Variants in ADK observed in about 807,000 individuals in gnomAD.
The protein encoded by ADK is N6,N6-dimethyladenosine kinase.
ADK carries 24 observed loss-of-function variants against 44.7 expected under a neutral mutation model. The ratio of observed to expected loss-of-function variants is 0.54; its 90% CI spans 0.39 to 0.76. The LOEUF (loss-of-function observed/expected upper bound fraction) is 0.76, where lower values mean the gene tolerates loss of function less well. Among genes scored for constraint, ADK ranks in the 30% least tolerant of loss-of-function variants. ADK has a pLI of 0.00. For synonymous variants in ADK, 128 were observed against 142.6 expected (o/e 0.90, Z 0.73); for missense variants, 321 against 425.1 (o/e 0.76, Z 2.15).
chr10:74,553,554 A>G (rs1024758385), intron 7 of ADK, among the ~76,000 whole-genome samples: 15 of 151,976 alleles, frequency 9.9e-5, no homozygotes, highest in African/African-American at 3.6e-4. Context: ...AACTACTACT[A>G]CCCCCAACTA....
chr10:74,427,535 G>C (rs1844840573), intron 6 of ADK, among the ~76,000 whole-genome samples: 1 of 152,110 alleles, frequency 6.6e-6, no homozygotes, highest in African/African-American at 2.4e-5. Context: ...AACTAAATCA[G>C]AGACTATTTT....
intron 4 of ADK, among the ~76,000 whole-genome samples, chr10:74,380,200 C>G: frequency 6.6e-6 from 1 of 152,132 alleles, no homozygotes; most frequent in East Asian, 1.9e-4. Context: ...AAGGACCAGC[C>G]TGACTTGTTC....
At chr10:74,441,327 A>G (rs755678278) in intron 6 of ADK, among the ~76,000 whole-genome samples, 2 of 152,208 alleles carry the variant, frequency 1.3e-5, no homozygotes, top group African/African-American at 2.4e-5. Flanking sequence ...ACTGGTGGAA[A>G]TATTGGCAGT....
chr10:74,425,013 G>T (rs1030225205), intron 6 of ADK, among the ~76,000 whole-genome samples: 9 of 152,092 alleles, frequency 5.9e-5, no homozygotes, highest in African/African-American at 9.7e-5. Flanking sequence ...TGTTGTTTCT[G>T]CTGGCTGTTA....
At chr10:74,690,517 A>G (rs1412976623) in intron 10 of ADK, among the ~76,000 whole-genome samples, 1 of 152,196 alleles carries the variant, frequency 6.6e-6, no homozygotes, top group African/African-American at 2.4e-5. Context: ...ATATCACATC[A>G]TACAAGATCC....
intron 6 of ADK, among the ~76,000 whole-genome samples, chr10:74,415,829 A>G (rs1844348883): frequency 6.6e-6 from 1 of 152,082 alleles, no homozygotes; most frequent in Non-Finnish European, 1.5e-5. Flanking sequence ...TTATGACTAC[A>G]AATGATGCAA....
chr10:74,268,888 T>C (rs1846315441), intron 3 of ADK, among the ~76,000 whole-genome samples: 1 of 152,202 alleles, frequency 6.6e-6, no homozygotes, highest in African/African-American at 2.4e-5. Context: ...CTTTAAGGAG[T>C]AGCAGTAAGT....
intron 10 of ADK, among the ~76,000 whole-genome samples, chr10:74,680,104 G>A (rs1328115841): frequency 1.3e-5 from 2 of 152,112 alleles, no homozygotes; most frequent in Non-Finnish European, 2.9e-5. Context: ...CACGAGGTCA[G>A]GAGATCGAGA....
At chr10:74,607,262 AT>A (rs1852357672) in intron 9 of ADK, among the ~76,000 whole-genome samples, 2 of 152,042 alleles carry the variant, frequency 1.3e-5, no homozygotes, top group East Asian at 3.9e-4. Flanking sequence ...CATGAATTTG[AT>A]CCTGTCATTA....
At chr10:74,357,332 A>G (rs1380111731) in intron 4 of ADK, among the ~76,000 whole-genome samples, 1 of 151,828 alleles carries the variant, frequency 6.6e-6, no homozygotes, top group Non-Finnish European at 1.5e-5. Context: ...TTGAGACAGA[A>G]TTTTGCTGTG....
chr10:74,564,286 G>T (rs925407476), intron 7 of ADK, among the ~76,000 whole-genome samples: 13 of 152,020 alleles, frequency 8.6e-5, no homozygotes, highest in Admixed American at 8.5e-4. Flanking sequence ...AAGCTTTGAA[G>T]GAAGGCGGCT....
At chr10:74,246,506 G>C (rs551063606) in intron 3 of ADK, among the ~76,000 whole-genome samples, 7 of 152,296 alleles carry the variant, frequency 4.6e-5, no homozygotes, top group African/African-American at 1.7e-4. Context: ...GTAAGGTCTG[G>C]ATGGGGAGAC....
chr10:74,403,177 G>A lies in ADK; in HGVS notation c.555+4598G>A, dbSNP rs117145800. Among the ~76,000 whole-genome samples, 463 of 152,272 alleles carry A rather than the reference G, an allele frequency of 3.0e-3. 6 individuals carry two copies. The highest frequency in any genetic ancestry group is 0.018 in the East Asian group (93 of 5,170). ...CTACTGGGAGGTATCTCCCAGTTAG[G>A]TTACTCAGGGATCAGGGACCCACTT... is the stretch of plus-strand genomic sequence containing the variant. On this transcript the variant is annotated intron_variant, in intron 6 of 10. Transcript: ENST00000539909.
intron 4 of ADK, among the ~76,000 whole-genome samples, chr10:74,322,962 A>G (rs1840869373): frequency 6.6e-6 from 1 of 152,214 alleles, no homozygotes; most frequent in Non-Finnish European, 1.5e-5. Flanking sequence ...TCTCCAGGAT[A>G]AATCTACACA....
At chr10:74,517,630 A>C (rs965331466) in intron 6 of ADK, among the ~76,000 whole-genome samples, 1 of 151,424 alleles carries the variant, frequency 6.6e-6, no homozygotes, top group African/African-American at 2.4e-5. Context: ...TCGAGGGTGC[A>C]CTGAGCTGTG....
chr10:74,151,532 C>T lies in ADK; in HGVS notation c.65+189C>T, dbSNP rs370079157. ...GACGTTCTCTCCGTTTGGCTGAGTC[C>T]CCGCCTGTCTGGTGCAGCTCCGGCT... On this transcript the variant is annotated intron_variant, in intron 1 of 10. Transcript: ENST00000539909. 3.3e-4 allele frequency among the ~76,000 whole-genome samples: 50 copies of T among 152,312 alleles called. 1 individual carries two copies. In the Middle Eastern group the frequency reaches 0.01, roughly 31 times the overall value.
At chr10:74,194,762 G>A (rs931278528) in intron 1 of ADK, among the ~76,000 whole-genome samples, 15 of 152,160 alleles carry the variant, frequency 9.9e-5, no homozygotes, top group African/African-American at 3.6e-4. Context: ...GTAAGATGGG[G>A]CTAGTTGACG....
intron 6 of ADK, among the ~76,000 whole-genome samples, chr10:74,418,501 GA>G (rs1308318639): frequency 6.6e-6 from 1 of 152,130 alleles, no homozygotes; most frequent in Non-Finnish European, 1.5e-5. Context: ...CTGTTGCTAG[GA>G]AATCAAGGTC....
chr10:74,219,452 C>G (rs1326241464), intron 2 of ADK, among the ~76,000 whole-genome samples: 1 of 152,080 alleles, frequency 6.6e-6, no homozygotes, highest in Admixed American at 6.5e-5. Context: ...CAACATTAGA[C>G]AGATCAATGA....
Sources: allele counts gnomAD v4.1 joint callset (sites outside exome capture counted in the v4.1 genomes callset), GRCh38; gene constraint gnomAD v4.1.1; transcripts MANE v1.5; gene names NCBI Gene and HGNC (gene_info 2026-07-23, HGNC 2026-07-21).